The following SLC18A2 variants were observed in gnomAD, a reference collection of about 807,000 sequenced individuals.
SLC18A2 encodes the protein synaptic vesicular amine transporter.
Under a neutral mutation model 59.2 loss-of-function variants are expected in SLC18A2, and 33 were observed. The observed-to-expected ratio is 0.56, with a 90% CI of 0.42 to 0.75. The LOEUF is 0.75. SLC18A2 is among the 30% of genes least tolerant of loss of function. SLC18A2 has a pLI of 0.00. For synonymous variants in SLC18A2, 228 were observed against 253.5 expected (o/e 0.90, Z 0.95); for missense variants, 569 against 668.6 (o/e 0.85, Z 1.64).
chr10:117,258,765 T>TG (rs1844258322), intron 10 of SLC18A2, among the ~76,000 whole-genome samples: 4 of 96,752 alleles, frequency 4.1e-5, no homozygotes, highest in African/African-American at 1.2e-4. Context: ...CACCCCCGAC[T>TG]CTTTTTTTTT....
At chr10:117,260,721 C>T (rs1353968633) in intron 10 of SLC18A2, among the ~76,000 whole-genome samples, 1 of 152,120 alleles carries the variant, frequency 6.6e-6, no homozygotes, top group Non-Finnish European at 1.5e-5. Flanking sequence ...GGCATTTGGG[C>T]TCATTTTGTT....
In SLC18A2 at chr10:117,255,184, T is replaced by C. The variant is rs74159131; in HGVS notation, c.701-93T>C. 4.5e-3 allele frequency: 5,447 copies of C among 1,211,750 alleles called. 185 individuals carry two copies. In the African/African-American group the frequency reaches 0.072, roughly 16 times the overall value. The allele number at this position is 1,211,750 out of a possible 1,614,324, so 75.1% of individuals were successfully genotyped here. A position where few individuals can be genotyped will look rare whatever the true frequency, so the allele number is the denominator to read the frequency against. On this transcript the variant is annotated intron_variant, in intron 6 of 15. Transcript: ENST00000644641. ...ACCCCAAAGCCTTATTGGAACAAAG[T>C]AGAGAGAGAAACACAAGAGTCAAAT... is the stretch of plus-strand genomic sequence containing the variant.
intron 2 of SLC18A2, 39 bp downstream of exon 2, chr10:117,241,853 C>T: frequency 1.3e-6 from 2 of 1,561,496 alleles, no homozygotes; most frequent in Non-Finnish European, 1.7e-6. Context: ...GGCACCCCAG[C>T]CCCAGCGCCC....
rs1180448816 is a variant in SLC18A2 at position 117,278,425 on chromosome 10, T to C, written c.*1159T>C. ...TCTAAAAATGTATGTGCTAACTATA[T>C]CATCCAGTGTGCAGTGTTGTGTATT... is the stretch of plus-strand genomic sequence containing the variant. On this transcript the variant is annotated 3_prime_UTR_variant, in exon 16 of 16. Transcript: ENST00000644641. 1.3e-5 allele frequency: 2 copies of C among 152,108 alleles called. No homozygotes were observed. The highest frequency in any genetic ancestry group is 1.3e-4 in the Admixed American group (2 of 15,280). 9.4% of individuals were successfully genotyped at this position (152,108 alleles called of 1,614,324 possible). A position where few individuals can be genotyped will look rare whatever the true frequency, so the allele number is the denominator to read the frequency against.
At chr10:117,250,375 A>C (rs1844149448) in intron 3 of SLC18A2, among the ~76,000 whole-genome samples, 1 of 152,192 alleles carries the variant, frequency 6.6e-6, no homozygotes, top group Non-Finnish European at 1.5e-5. Context: ...TCTGAACCTC[A>C]GCTTTCTCAT....
At chr10:117,266,868 A>G in intron 11 of SLC18A2, 57 bp downstream of exon 11, 2 of 1,572,564 alleles carry the variant, frequency 1.3e-6, no homozygotes, top group Non-Finnish European at 8.7e-7. Context: ...TCTTTCAAAA[A>G]ATTCTAAGTT....
rs927267827 is a variant in SLC18A2, at chr10:117,267,014, T to A, written c.1101T>A (p.Ile367=). The change falls in exon 12 of 16, where the codon ATT becomes ATA. Residue 367 remains isoleucine, a synonymous_variant. Coordinates refer to ENST00000644641, the MANE Select transcript of SLC18A2 (RefSeq NM_003054.6). ...TTTGTGCTCTTCTGGGAATGATAAT[T>A]GTTGGAGTCAGCATTTTATGTGTGA... ...RWLCALLGMI[I]VGVSILCIPF... is the part of the protein sequence containing the mutation. 1 of 1,613,698 alleles carries A rather than the reference T, an allele frequency of 6.2e-7. No individual in the cohort carries two copies. Among genetic ancestry groups the A allele is most frequent in the South Asian group, 1.1e-5 (1 of 90,806 alleles).
chr10:117,255,260 A>G lies in SLC18A2; in HGVS notation c.701-17A>G, dbSNP rs937815072. On this transcript the variant is annotated splice_polypyrimidine_tract_variant and intron_variant, in intron 6 of 15. Coordinates refer to ENST00000644641, the MANE Select transcript of SLC18A2 (RefSeq NM_003054.6). ...CATGTGTCCCAGGGGTGGTGTCCCC[A>G]CTTTCTCTCCCTGCAGTGGGCCCCC... 1 of 1,612,766 alleles carries G rather than the reference A, an allele frequency of 6.2e-7. No homozygotes were observed. The highest frequency in any genetic ancestry group is 1.3e-5 in the African/African-American group (1 of 74,888).
At chr10:117,257,623 T>C (rs1350106826) in intron 9 of SLC18A2, among the ~76,000 whole-genome samples, 174 bp from the exon 10 acceptor site, 1 of 152,166 alleles carries the variant, frequency 6.6e-6, no homozygotes, top group Non-Finnish European at 1.5e-5. Flanking sequence ...ACGACGACCA[T>C]GATGATGATG....
chr10:117,271,251 A>G (rs548570660), intron 15 of SLC18A2, among the ~76,000 whole-genome samples: 1 of 152,326 alleles, frequency 6.6e-6, no homozygotes, highest in Non-Finnish European at 1.5e-5. Context: ...TTAAGGATGA[A>G]TGAGGTGAAC....
At chr10:117,264,138 G>T (rs1402353680) in intron 10 of SLC18A2, among the ~76,000 whole-genome samples, 1 of 152,228 alleles carries the variant, frequency 6.6e-6, no homozygotes, top group African/African-American at 2.4e-5. Context: ...CCAAGGCCGT[G>T]GCTGAAGCCA....
In SLC18A2 at chr10:117,255,540, A is replaced by G; in HGVS notation, c.834+18A>G. On this transcript the variant is annotated intron_variant, in intron 8 of 15. Transcript: ENST00000644641. ...AGCCAGAGGTAAGCGGCTGGGAATG[A>G]GGGCCCTGGGGGAGGGGGCATGGTG... 1 of 1,614,044 alleles carries G rather than the reference A, an allele frequency of 6.2e-7. No homozygotes were observed.
chr10:117,259,367 G>A lies in SLC18A2; in HGVS notation c.991+1475G>A, dbSNP rs187046048. ...ACCTGATCTTTCTGTGTATTTGCTC[G>A]TTTGTGGATGTCTGTCCTAGGTCTT... On this transcript the variant is annotated intron_variant, in intron 10 of 15. Coordinates refer to ENST00000644641, the MANE Select transcript of SLC18A2 (RefSeq NM_003054.6). Among the ~76,000 whole-genome samples the A allele has an allele frequency of 1.9e-3, 289 of 152,264 alleles. 1 individual carries two copies. Among genetic ancestry groups the A allele is most frequent in the African/African-American group, 6.8e-3 (281 of 41,550 alleles).
intron 11 of SLC18A2, 58 bp from the exon 12 acceptor site, chr10:117,266,926 A>C: frequency 6.3e-7 from 1 of 1,586,854 alleles, no homozygotes; most frequent in Non-Finnish European, 8.6e-7. Context: ...TTCATTGAAA[A>C]TTTGGACTAG....
intron 15 of SLC18A2, among the ~76,000 whole-genome samples, chr10:117,273,368 G>A (rs1844448525): frequency 6.6e-6 from 1 of 152,180 alleles, no homozygotes; most frequent in Non-Finnish European, 1.5e-5. Flanking sequence ...GAAGAGCTGT[G>A]TTGCGGATTT....
chr10:117,276,099 G>T (rs1844486547), intron 15 of SLC18A2, among the ~76,000 whole-genome samples: 1 of 149,660 alleles, frequency 6.7e-6, no homozygotes, highest in East Asian at 2.0e-4. Context: ...GAGCAACCTG[G>T]GCAATGTAGT....
At chr10:117,247,499 A>G (rs1340090117) in intron 3 of SLC18A2, among the ~76,000 whole-genome samples, 6 of 152,184 alleles carry the variant, frequency 3.9e-5, no homozygotes, top group East Asian at 1.9e-4. Context: ...CCTGCTTACA[A>G]TTATACAGCT....
Position 117,244,272 on chromosome 10 carries a change from C to T in SLC18A2, c.423C>T (p.Val141=). Residue 141 remains valine, a synonymous_variant, in exon 3 of 16, where the codon GTC becomes GTT. Coordinates refer to ENST00000644641, the MANE Select transcript of SLC18A2 (RefSeq NM_003054.6). The part of the protein sequence containing the change: ...VGLLFASKAT[V]QLITNPFIGL... ...TGTTGTTTGCCTCGAAAGCCACCGT[C>T]CAGCTCATCACCAACCCTTTCATAG... is the stretch of plus-strand genomic sequence containing the variant. The T allele has an allele frequency of 6.2e-7, 1 of 1,614,200 alleles. No individual in the cohort carries two copies. Among genetic ancestry groups the T allele is most frequent in the Non-Finnish European group, 8.5e-7 (1 of 1,180,028 alleles).
chr10:117,267,748 G>A lies in SLC18A2; in HGVS notation c.1186+12G>A, dbSNP rs369473981. On this transcript the variant is annotated intron_variant, in intron 13 of 15. Coordinates refer to ENST00000644641, the MANE Select transcript of SLC18A2 (RefSeq NM_003054.6). ...TGGTTTTGCAATTGGTAAGTCACACGAACCTTGTGCCTACATTTAAAACCG... is the reference window on the plus strand; with the variant it reads ...TGGTTTTGCAATTGGTAAGTCACACAAACCTTGTGCCTACATTTAAAACCG... The A allele has an allele frequency of 2.3e-5, 36 of 1,543,540 alleles. No individual in the cohort carries two copies. The highest frequency in any genetic ancestry group is 5.0e-5 in the Admixed American group (3 of 59,460).
Sources: gnomAD v4.1 joint callset for allele counts (sites outside exome capture counted in the v4.1 genomes callset) on GRCh38, gnomAD v4.1.1 for gene constraint, MANE v1.5 for transcripts, NCBI Gene and HGNC (gene_info 2026-07-23, HGNC 2026-07-21) for gene names.